The following THAP8 variants were observed in gnomAD, a reference collection of about 807,000 sequenced individuals.
THAP8 encodes the protein THAP domain containing 8.
In THAP8, 24 loss-of-function variants were observed where a neutral mutation model predicts 25.0. The ratio of observed to expected loss-of-function variants is 0.96; its 90% CI spans 0.69 to 1.35. THAP8 has a LOEUF of 1.35. Among genes scored for constraint, THAP8 ranks in the 40% most tolerant of loss-of-function variants. The pLI, the probability that THAP8 is intolerant of heterozygous loss-of-function variation, is 0.00. For synonymous variants in THAP8, 169 were observed against 157.6 expected (o/e 1.07, Z -0.54); for missense variants, 399 against 368.8 (o/e 1.08, Z -0.67).
intron 1 of THAP8, chr19:36,045,749 G>C: frequency 2.2e-6 from 1 of 456,594 alleles, no homozygotes; most frequent in Non-Finnish European, 4.4e-6. Flanking sequence ...GCAGAGACTG[G>C]AGAGATGTGG....
intron 1 of THAP8, among the ~76,000 whole-genome samples, chr19:36,049,659 C>T (rs1439205101): frequency 1.7e-4 from 17 of 100,032 alleles, no homozygotes; most frequent in Admixed American, 1.3e-3. Flanking sequence ...TATATACAGT[C>T]GTCATCATTT....
chr19:36,035,826 C>T (rs920572821), intron 3 of THAP8, among the ~76,000 whole-genome samples: 2 of 151,288 alleles, frequency 1.3e-5, no homozygotes, highest in East Asian at 1.9e-4. Context: ...GGGGCACAGA[C>T]GCAGACACGT....
chr19:36,037,002 C>G (rs1273089001), intron 3 of THAP8, among the ~76,000 whole-genome samples: 1 of 151,490 alleles, frequency 6.6e-6, no homozygotes, highest in African/African-American at 2.4e-5. Context: ...GGGGCTCCTT[C>G]CTGAGCCCCT....
intron 1 of THAP8, among the ~76,000 whole-genome samples, chr19:36,047,124 AC>A (rs1969906471): frequency 6.6e-6 from 1 of 152,210 alleles, no homozygotes; most frequent in South Asian, 2.1e-4. Context: ...CAAATGCTCT[AC>A]CACTGAGCTA....
chr19:36,039,851 G>T, intron 2 of THAP8, 93 bp downstream of exon 2: 1 of 1,585,662 alleles, frequency 6.3e-7, no homozygotes, highest in Non-Finnish European at 8.6e-7. Context: ...GTCGTCAGGA[G>T]GGGAGGGCCA....
At chr19:36,036,940 CA>C (rs10522467) in intron 3 of THAP8, among the ~76,000 whole-genome samples, 2,553 of 113,124 alleles carry the variant, frequency 0.023, 93 homozygotes, top group East Asian at 0.15. Context: ...GACTCCTTCT[CA>C]AAAAAAAAAA....
chr19:36,051,403 G>C (rs1025748527), intron 1 of THAP8, among the ~76,000 whole-genome samples: 3 of 152,090 alleles, frequency 2.0e-5, no homozygotes, highest in Non-Finnish European at 2.9e-5. Flanking sequence ...AGTCACGGAA[G>C]GGATCTGGGC....
At chr19:36,038,766 G>A (rs570062801) in intron 3 of THAP8, among the ~76,000 whole-genome samples, 3 of 151,768 alleles carry the variant, frequency 2.0e-5, no homozygotes, top group Admixed American at 6.6e-5. Flanking sequence ...CAGGACAATC[G>A]CTTGAACCTG....
chr19:36,046,384 C>A (rs1304400215), intron 1 of THAP8, among the ~76,000 whole-genome samples: 1 of 152,156 alleles, frequency 6.6e-6, no homozygotes, highest in African/African-American at 2.4e-5. Context: ...AGTGTGAGAA[C>A]AGACTAAGAC....
rs1427473151 is a variant in THAP8, at chr19:36,035,118, A to G, written c.*322T>C. 2 of 243,872 alleles carry G rather than the reference A, an allele frequency of 8.2e-6. No homozygotes were observed. The highest frequency in any genetic ancestry group is 4.4e-5 in the African/African-American group (2 of 45,062). 15.1% of individuals were successfully genotyped at this position (243,872 alleles called of 1,614,324 possible). The stretch of plus-strand genomic sequence containing the variant: ...GAACTCAGTACCAGGCTTGGCAAAA[A>G]GCGTGGGACTCCTTAGAACCAGGTA... On this transcript the variant is annotated 3_prime_UTR_variant, in exon 4 of 4. Coordinates refer to ENST00000292894, the MANE Select transcript of THAP8 (RefSeq NM_152658.3).
At chr19:36,054,016 A>T in intron 1 of THAP8, 119 bp downstream of exon 1, 2 of 1,139,970 alleles carry the variant, frequency 1.8e-6, no homozygotes, top group Non-Finnish European at 2.5e-6. Context: ...CTCATGGTTT[A>T]ACCCCACTTC....
At chr19:36,035,827 G>A (rs1291332550) in intron 3 of THAP8, among the ~76,000 whole-genome samples, 4 of 151,968 alleles carry the variant, frequency 2.6e-5, no homozygotes, top group African/African-American at 7.3e-5. Context: ...GGGCACAGAC[G>A]CAGACACGTG....
At chr19:36,042,575 G>A (rs979282353) in intron 1 of THAP8, among the ~76,000 whole-genome samples, 5 of 152,344 alleles carry the variant, frequency 3.3e-5, no homozygotes, top group African/African-American at 1.2e-4. Flanking sequence ...AGGCTACAGT[G>A]AGCCATGATC....
chr19:36,039,696 G>T lies in THAP8; in HGVS notation c.299C>A (p.Thr100Asn), dbSNP rs1184718868. The T allele has an allele frequency of 6.6e-7, 1 of 1,524,450 alleles. No individual in the cohort carries two copies. The highest frequency in any genetic ancestry group is 2.1e-5 in the Admixed American group (1 of 46,662). 94.4% of individuals were successfully genotyped at this position (1,524,450 alleles called of 1,614,324 possible). A position where few individuals can be genotyped will look rare whatever the true frequency, so the allele number is the denominator to read the frequency against. Residue 100 changes from threonine to asparagine, a missense_variant, in exon 3 of 4, where the codon ACC becomes AAC. By Grantham distance (65) the Thr-to-Asn change is moderately conservative. Coordinates refer to ENST00000292894, the MANE Select transcript of THAP8 (RefSeq NM_152658.3). Reference protein sequence around the residue: ...PAKSQRRTRSTQKPVSPPPPL... With the variant: ...PAKSQRRTRSNQKPVSPPPPL... Reference sequence around the variant, plus strand: ...AGGCGGCGGCGAGACTGGCTTCTGGGTGCTTCGGGTCCTCCGCTGACTCTG... The same window carrying T: ...AGGCGGCGGCGAGACTGGCTTCTGGTTGCTTCGGGTCCTCCGCTGACTCTG...
rs1259279577 is a variant in THAP8, at chr19:36,039,549, G to T, written c.446C>A (p.Thr149Asn). The change falls in exon 3 of 4, where the codon ACC becomes AAC. Residue 149 changes from threonine to asparagine, a missense_variant. Thr to Asn is a moderately conservative substitution (Grantham distance 65). Transcript: ENST00000292894. ...AGGAGTTGGCGCAGGGGCCAGGGGG[G>T]TCAGGAGCATGGTGGCCACAGTCTT... The part of the protein sequence containing the change: ...SPKTVATMLL[T>N]PLAPAPTPER... 2.6e-6 allele frequency: 4 copies of T among 1,531,612 alleles called. No homozygotes were observed. Among genetic ancestry groups the T allele is most frequent in the Non-Finnish European group, 1.8e-6 (2 of 1,135,260 alleles). The allele number at this position is 1,531,612 out of a possible 1,614,324, so 94.9% of individuals were successfully genotyped here.
In THAP8 at chr19:36,035,199, G is replaced by A; in HGVS notation, c.*241C>T. On this transcript the variant is annotated 3_prime_UTR_variant, in exon 4 of 4. Transcript: ENST00000292894. Reference sequence around the variant, plus strand: ...TGAGGCTGTCGTACTGATTTGCAAAGATCTGAGCCGGGGGTGGCAGAAGCC... The same window carrying A: ...TGAGGCTGTCGTACTGATTTGCAAAAATCTGAGCCGGGGGTGGCAGAAGCC... 1 of 481,510 alleles carries A rather than the reference G, an allele frequency of 2.1e-6. No individual in the cohort carries two copies. Among genetic ancestry groups the A allele is most frequent in the Non-Finnish European group, 3.7e-6 (1 of 270,870 alleles). The allele number at this position is 481,510 out of a possible 1,614,324, so 29.8% of individuals were successfully genotyped here.
At chr19:36,036,193 G>A (rs1969435407) in intron 3 of THAP8, among the ~76,000 whole-genome samples, 1 of 151,434 alleles carries the variant, frequency 6.6e-6, no homozygotes, top group African/African-American at 2.4e-5. Context: ...CAGCCACACT[G>A]TAGCTCCAGC....
intron 1 of THAP8, among the ~76,000 whole-genome samples, chr19:36,044,949 T>C (rs1320825307): frequency 1.3e-5 from 2 of 152,186 alleles, no homozygotes; most frequent in African/African-American, 2.4e-5. Flanking sequence ...TGACATGCTA[T>C]TGTCAGGCAC....
At position 36,035,381 on chromosome 19, in the gene THAP8, TA is replaced by T. The variant is rs1969395569; in HGVS notation, c.*58del. On this transcript the variant is annotated 3_prime_UTR_variant, in exon 4 of 4. Coordinates refer to ENST00000292894, the MANE Select transcript of THAP8 (RefSeq NM_152658.3). ...GGTGGGGCTGGGCCAAGCCCACGTATAATGTCTTTCCTCCTCCATCTTCTAT... is the reference window on the plus strand; with the variant it reads ...GGTGGGGCTGGGCCAAGCCCACGTATATGTCTTTCCTCCTCCATCTTCTAT... 5.2e-6 allele frequency: 4 copies of T among 765,418 alleles called. No homozygotes were observed. Among genetic ancestry groups the T allele is most frequent in the African/African-American group, 2.4e-5 (1 of 41,862 alleles). The allele number at this position is 765,418 out of a possible 1,614,324, so 47.4% of individuals were successfully genotyped here.
Sources: gnomAD v4.1 joint callset for allele counts (sites outside exome capture counted in the v4.1 genomes callset) on GRCh38, gnomAD v4.1.1 for gene constraint, MANE v1.5 for transcripts, NCBI Gene and HGNC (gene_info 2026-07-23, HGNC 2026-07-21) for gene names.